Variants in PIAS4 observed in about 807,000 individuals in gnomAD.
PIAS4 encodes the protein E3 SUMO-protein ligase PIAS4.
Under a neutral mutation model 58.0 loss-of-function variants are expected in PIAS4, and 7 were observed. The ratio of observed to expected loss-of-function variants is 0.12; its 90% confidence interval spans 0.07 to 0.23. The LOEUF (loss-of-function observed/expected upper bound fraction) is 0.23. Among genes scored for constraint, PIAS4 ranks in the 10% least tolerant of loss-of-function variants. The pLI, the probability that PIAS4 is intolerant of heterozygous loss-of-function variation, is 1.00. For synonymous variants in PIAS4, 364 were observed against 312.4 expected (o/e 1.17, Z -1.74); for missense variants, 550 against 709.5 (o/e 0.78, Z 2.55).
At chr19:4,025,885 AAC>A (rs1480695427) in intron 3 of PIAS4, among the ~76,000 whole-genome samples, 4 of 151,864 alleles carry the variant, frequency 2.6e-5, no homozygotes, top group African/African-American at 9.7e-5. Flanking sequence ...CATCTTGGCT[AAC>A]ACAGTGAAAC....
At chr19:4,035,224 T>C (rs2040262258) in intron 9 of PIAS4, among the ~76,000 whole-genome samples, 2 of 151,994 alleles carry the variant, frequency 1.3e-5, no homozygotes, top group Admixed American at 1.3e-4. Flanking sequence ...ACGAGGGCTC[T>C]CCTGTGTGAT....
intron 2 of PIAS4, among the ~76,000 whole-genome samples, chr19:4,022,952 A>C (rs2040124692): frequency 1.3e-5 from 2 of 151,152 alleles, no homozygotes; most frequent in South Asian, 4.2e-4. Flanking sequence ...TGGGCAGATC[A>C]CCTGAGGTCG....
At chr19:4,019,311 A>G (rs913930756) in intron 2 of PIAS4, among the ~76,000 whole-genome samples, 2 of 151,944 alleles carry the variant, frequency 1.3e-5, no homozygotes, top group Non-Finnish European at 2.9e-5. Context: ...AGCACAGGGC[A>G]CCTCCCAGGC....
Position 4,038,728 on chromosome 19 carries a change from G to GCCGCCGCCA in PIAS4, c.*856_*864dup, listed in dbSNP as rs1385799777. The GCCGCCGCCA allele has an allele frequency of 6.5e-6, 1 of 154,482 alleles. No homozygotes were observed. The highest frequency in any genetic ancestry group is 1.4e-5 in the Non-Finnish European group (1 of 69,324). 9.6% of individuals were successfully genotyped at this position (154,482 alleles called of 1,614,324 possible). A position where few individuals can be genotyped will look rare whatever the true frequency, so the allele number is the denominator to read the frequency against. ...ACAGATGTCCACAGCTGCCGCCGCC[G>GCCGCCGCCA]CCGCCGCCACCATACCCCGGTCCTT... On this transcript the variant is annotated 3_prime_UTR_variant, in exon 11 of 11. Transcript: ENST00000262971. This position sits in a 1 kb window ranked among gnomAD's most constrained non-coding sequence, Gnocchi z 4.1.
chr19:4,029,219 G>T (rs2040199093), intron 7 of PIAS4, among the ~76,000 whole-genome samples, 183 bp downstream of exon 7: 1 of 152,198 alleles, frequency 6.6e-6, no homozygotes, highest in African/African-American at 2.4e-5. Flanking sequence ...GATGGCAGAG[G>T]GGGCACTTGG....
intron 3 of PIAS4, among the ~76,000 whole-genome samples, chr19:4,027,708 C>T (rs1215883443): frequency 6.6e-6 from 1 of 151,854 alleles, no homozygotes; most frequent in Non-Finnish European, 1.5e-5. Flanking sequence ...CACAGGTGTG[C>T]ACCACCACGC....
At chr19:4,018,001 G>T (rs1030540205) in intron 2 of PIAS4, among the ~76,000 whole-genome samples, 1 of 152,034 alleles carries the variant, frequency 6.6e-6, no homozygotes, top group Non-Finnish European at 1.5e-5. Flanking sequence ...TAATGGAGAC[G>T]GGGTTTCGTC....
In PIAS4 at chr19:4,031,048, C is replaced by A. The variant is rs369506318; in HGVS notation, c.907+2012C>A. 8.5e-5 allele frequency among the ~76,000 whole-genome samples: 13 copies of A among 152,300 alleles called. No individual in the cohort carries two copies. The East Asian group carries it at 2.1e-3, about 25-fold the overall frequency. On this transcript the variant is annotated intron_variant, in intron 7 of 10. Transcript: ENST00000262971. ...AGGTGGAATCTGGGCACCACCCCAG[C>A]CCCTTGGCAGAATGTGGGCCAGAGG...
intron 9 of PIAS4, among the ~76,000 whole-genome samples, chr19:4,034,491 C>T (rs753436023): frequency 1.8e-4 from 28 of 152,242 alleles, no homozygotes; most frequent in Non-Finnish European, 3.8e-4. Context: ...CCCCGGCTCA[C>T]GGGGCCAGGC....
At chr19:4,007,925 C>A in intron 1 of PIAS4, 138 bp downstream of exon 1, 2 of 545,918 alleles carry the variant, frequency 3.7e-6, no homozygotes, top group Non-Finnish European at 5.3e-6. Flanking sequence ...CCCCCAGACC[C>A]CGACCCCCGG....
At chr19:4,027,568 G>GT (rs914195264) in intron 3 of PIAS4, among the ~76,000 whole-genome samples, 6 of 142,522 alleles carry the variant, frequency 4.2e-5, no homozygotes, top group Middle Eastern at 3.7e-3. Context: ...ACTGGTTTTT[G>GT]TTTTTTTTTT....
chr19:4,037,456 G>T lies in PIAS4; in HGVS notation c.1225G>T (p.Ala409Ser), dbSNP rs201898018. 4 of 1,611,472 alleles carry T rather than the reference G, an allele frequency of 2.5e-6. No homozygotes were observed. In the African/African-American group the frequency reaches 5.3e-5, roughly 22 times the overall value. The change falls in exon 10 of 11, where the codon GCC becomes TCC. Residue 409 changes from alanine (A) to serine (S), a missense_variant. This residue lies in a region of PIAS4 where 188 missense variants were observed against 192.0 expected (regional missense o/e 0.98). Coordinates refer to ENST00000262971, the MANE Select transcript of PIAS4 (RefSeq NM_015897.4). This position sits in a 1 kb window ranked among gnomAD's most constrained non-coding sequence, Gnocchi z 5.8. ...LVDGSWCPIRAEKERSCSPQG... is the reference protein window; with the variant it reads ...LVDGSWCPIRSEKERSCSPQG... ...GGACGGCTCGTGGTGCCCGATCCGCGCCGAAAAGGAGCGCAGCTGCAGCCC... is the reference window on the plus strand; with the variant it reads ...GGACGGCTCGTGGTGCCCGATCCGCTCCGAAAAGGAGCGCAGCTGCAGCCC...
intron 2 of PIAS4, among the ~76,000 whole-genome samples, chr19:4,022,739 C>T (rs1256222334): frequency 6.6e-6 from 1 of 151,146 alleles, no homozygotes. Flanking sequence ...GTGGTGTGAT[C>T]TCCACTCACT....
chr19:4,012,815 C>G, intron 1 of PIAS4, 108 bp from the exon 2 acceptor site: 8 of 1,270,488 alleles, frequency 6.3e-6, no homozygotes, highest in Non-Finnish European at 8.8e-6. Context: ...CTGGCGCTTC[C>G]TGGCGAGTGG....
rs146446658 is a variant in PIAS4 at position 4,037,761 on chromosome 19, A to T, written c.1419A>T (p.Ser473=). Residue 473 remains serine (S), a synonymous_variant, in exon 11 of 11, where the codon TCA becomes TCT. Coordinates refer to ENST00000262971, the MANE Select transcript of PIAS4 (RefSeq NM_015897.4). This position sits in a 1 kb window ranked among gnomAD's most constrained non-coding sequence, Gnocchi z 5.8. Reference sequence around the variant, plus strand: ...TGGTGGACCTCACGCTGGACAGCTCATCGTCCTCGGAGGATGAGGAGGAGG... The same window carrying T: ...TGGTGGACCTCACGCTGGACAGCTCTTCGTCCTCGGAGGATGAGGAGGAGG... The part of the protein sequence containing the change: ...ADVVDLTLDS[S]SSSEDEEEEE... The T allele has an allele frequency of 6.8e-5, 110 of 1,607,832 alleles. No homozygotes were observed. The highest frequency in any genetic ancestry group is 9.3e-5 in the Non-Finnish European group (109 of 1,177,502).
At chr19:4,017,296 G>C (rs1355836956) in intron 2 of PIAS4, among the ~76,000 whole-genome samples, 1 of 152,106 alleles carries the variant, frequency 6.6e-6, no homozygotes, top group Non-Finnish European at 1.5e-5. Flanking sequence ...CATCCCCTGT[G>C]GCCCCCTGCC....
chr19:4,037,718 G>T lies in PIAS4; in HGVS notation c.1376G>T (p.Gly459Val). 2 of 1,611,782 alleles carry T rather than the reference G, an allele frequency of 1.2e-6. No homozygotes were observed. Among genetic ancestry groups the T allele is most frequent in the Non-Finnish European group, 1.7e-6 (2 of 1,179,540 alleles). Residue 459 changes from glycine to valine, a missense_variant, in exon 11 of 11, where the codon GGG becomes GTG. Physicochemically the swap from Gly to Val is moderately radical, Grantham distance 109. Transcript: ENST00000262971. This position sits in a 1 kb window ranked among gnomAD's most constrained non-coding sequence, Gnocchi z 5.8. The stretch of plus-strand genomic sequence containing the variant: ...GGCCCGGTGGGCAGCATGGAGAATG[G>T]GAAGCCGGGCGCCGATGTGGTGGAC... ...GGGPVGSMEN[G>V]KPGADVVDLT...
chr19:4,012,981 G>T lies in PIAS4; in HGVS notation c.86G>T (p.Arg29Leu). The T allele has an allele frequency of 6.2e-7, 1 of 1,613,730 alleles. No individual in the cohort carries two copies. Among genetic ancestry groups the T allele is most frequent in the Non-Finnish European group, 8.5e-7 (1 of 1,179,950 alleles). Residue 29 changes from arginine (R) to leucine (L), a missense_variant, in exon 2 of 11, where the codon CGG (arginine) becomes CTG (leucine). This residue lies in a region of PIAS4 where 42 missense variants were observed against 84.3 expected (regional missense o/e 0.50). Transcript: ENST00000262971. ...DLQMLLGFVG[R>L]SKSGLKHELV... ...CAGATGCTCCTGGGTTTCGTGGGCC[G>T]GAGTAAGAGTGGACTGAAGCACGAG...
chr19:4,016,367 C>T (rs2040053918), intron 2 of PIAS4, among the ~76,000 whole-genome samples: 1 of 152,230 alleles, frequency 6.6e-6, no homozygotes, highest in Admixed American at 6.5e-5. Flanking sequence ...CCCCTGTCAC[C>T]ACGACTCCAG....
Sources: allele counts gnomAD v4.1 joint callset (sites outside exome capture counted in the v4.1 genomes callset), GRCh38; gene constraint gnomAD v4.1.1; regional missense constraint gnomAD v4.1.1; non-coding constraint Gnocchi (gnomAD v3.1); transcripts MANE v1.5; gene names NCBI Gene and HGNC (gene_info 2026-07-23, HGNC 2026-07-21).